Variants in NHSL1 observed in about 807,000 individuals in gnomAD.
NHSL1 encodes the protein NHS like 1, also known as NHS-like protein 1.
In NHSL1, 48 loss-of-function variants were observed where a neutral mutation model predicts 95.0. The observed-to-expected ratio is 0.51, with a 90% CI of 0.40 to 0.64. NHSL1 has a LOEUF of 0.64. Among genes scored for constraint, NHSL1 ranks in the 30% least tolerant of loss-of-function variants. The pLI, the probability that NHSL1 is intolerant of heterozygous loss-of-function variation, is 0.00. For missense variants in NHSL1, 1,971 were observed against 2,077.7 expected (o/e 0.95, Z 1.00); for synonymous variants, 783 against 833.9 (o/e 0.94, Z 1.05).
intron 1 of NHSL1, among the ~76,000 whole-genome samples, chr6:138,560,987 C>T (rs1344473742): frequency 1.3e-5 from 2 of 152,348 alleles, no homozygotes; most frequent in Non-Finnish European, 2.9e-5. Context: ...TTAAAGAAAT[C>T]TCAACTGCTT....
intron 1 of NHSL1, among the ~76,000 whole-genome samples, chr6:138,610,937 G>A (rs554959419): frequency 2.0e-5 from 3 of 152,148 alleles, no homozygotes; most frequent in Non-Finnish European, 2.9e-5. Flanking sequence ...AATTAGCCGG[G>A]TGTGTTGGCG....
intron 1 of NHSL1, among the ~76,000 whole-genome samples, chr6:138,617,465 C>A (rs1223157759): frequency 6.6e-6 from 1 of 152,204 alleles, no homozygotes; most frequent in Admixed American, 6.5e-5. Flanking sequence ...CTTTCACCCC[C>A]ACTAATTCAA....
At chr6:138,652,914 A>G (rs541022801) in intron 1 of NHSL1, among the ~76,000 whole-genome samples, 57 of 152,328 alleles carry the variant, frequency 3.7e-4, no homozygotes, top group Non-Finnish European at 5.9e-4. Flanking sequence ...TCTAAGCAAC[A>G]TAAGATCGGC....
chr6:138,577,206 A>G (rs1356028109), upstream of NHSL1, among the ~76,000 whole-genome samples: 1 of 152,242 alleles, frequency 6.6e-6, no homozygotes, highest in East Asian at 1.9e-4. Context: ...AAAAAGTGTT[A>G]AAGAGGACAG....
chr6:138,483,131 C>T (rs758846650), intron 2 of NHSL1, among the ~76,000 whole-genome samples: 15 of 152,176 alleles, frequency 9.9e-5, no homozygotes, highest in Admixed American at 2.0e-4. Context: ...AAGGGATCAA[C>T]ATGATATCCA....
At chr6:138,589,418 C>G (rs1447579076) in intron 1 of NHSL1, among the ~76,000 whole-genome samples, 1 of 152,130 alleles carries the variant, frequency 6.6e-6, no homozygotes, top group Non-Finnish European at 1.5e-5. Context: ...ACGAGCCAAG[C>G]GGGGGCCTGG....
chr6:138,506,611 T>C (rs2128296338), intron 1 of NHSL1, among the ~76,000 whole-genome samples: 1 of 152,306 alleles, frequency 6.6e-6, no homozygotes, highest in African/African-American at 2.4e-5. Flanking sequence ...GACATTTAAA[T>C]GTAAGTGGGC....
At chr6:138,650,080 C>A in intron 1 of NHSL1, 1 of 504,522 alleles carries the variant, frequency 2.0e-6, no homozygotes, top group Non-Finnish European at 4.0e-6. Flanking sequence ...AGACACATGG[C>A]AAATATGGAA....
At chr6:138,650,121 G>A in intron 1 of NHSL1, 1 of 530,426 alleles carries the variant, frequency 1.9e-6, no homozygotes, top group South Asian at 1.5e-5. Flanking sequence ...GAGCACATCT[G>A]GTTGTTGTTG....
At chr6:138,484,352 G>GT (rs1779600926) in intron 2 of NHSL1, among the ~76,000 whole-genome samples, 1 of 151,720 alleles carries the variant, frequency 6.6e-6, no homozygotes. Context: ...AGGGGAGGGG[G>GT]TAAAAAAAAG....
At chr6:138,459,573 C>A (rs1777859476) in intron 3 of NHSL1, among the ~76,000 whole-genome samples, 1 of 152,272 alleles carries the variant, frequency 6.6e-6, no homozygotes, top group East Asian at 1.9e-4. Context: ...CACTTCTGCA[C>A]TTTTTACACT....
At chr6:138,464,742 TGGCTCTGTCACCCA>T (rs1275860194) in intron 3 of NHSL1, among the ~76,000 whole-genome samples, 1 of 130,080 alleles carries the variant, frequency 7.7e-6, no homozygotes, top group Non-Finnish European at 1.6e-5. Context: ...AGACAGAGTC[TGGCTCTGTCACCCA>T]GGCTGGAGTG....
chr6:138,661,484 GC>G (rs1295109166), intron 1 of NHSL1, among the ~76,000 whole-genome samples: 2 of 147,962 alleles, frequency 1.4e-5, no homozygotes. Context: ...GACAGTGCAA[GC>G]CCCCCGTCTC....
upstream of NHSL1, among the ~76,000 whole-genome samples, chr6:138,549,265 C>A (rs181697585): frequency 6.6e-6 from 1 of 152,302 alleles, no homozygotes; most frequent in African/African-American, 2.4e-5. Context: ...TGCCTGTAAT[C>A]CCAGCTACAT....
At chr6:138,523,639 A>AAAAAC (rs1781779094) in intron 1 of NHSL1, among the ~76,000 whole-genome samples, 2 of 146,444 alleles carry the variant, frequency 1.4e-5, no homozygotes, top group Non-Finnish European at 3.0e-5. Context: ...AAAAAAAAAA[A>AAAAAC]AAAAAAAAAA....
chr6:138,591,186 T>C (rs1304675067), intron 1 of NHSL1, among the ~76,000 whole-genome samples: 1 of 152,200 alleles, frequency 6.6e-6, no homozygotes, highest in Non-Finnish European at 1.5e-5. Context: ...AAGGGGCTAT[T>C]GATACCAGTT....
chr6:138,432,758 G>T lies in NHSL1; in HGVS notation c.1587C>A (p.His529Gln). The change falls in exon 6 of 8, where the codon CAC (histidine) becomes CAA (glutamine). Residue 529 changes from histidine to glutamine, a missense_variant. Transcript: ENST00000343505. This position sits in a 1 kb window ranked among gnomAD's most constrained non-coding sequence, Gnocchi z 4.4. The part of the protein sequence containing the change: ...NCRNNLAFPA[H>Q]PQDVDGKSES... Reference sequence around the variant, plus strand: ...CACTCTTGCCATCCACATCTTGGGGGTGGGCTGGGAAGGCCAGGTTGTTTC... The same window carrying T: ...CACTCTTGCCATCCACATCTTGGGGTTGGGCTGGGAAGGCCAGGTTGTTTC... The T allele has an allele frequency of 6.4e-7, 1 of 1,551,632 alleles. No homozygotes were observed. The highest frequency in any genetic ancestry group is 8.7e-7 in the Non-Finnish European group (1 of 1,146,924).
intron 1 of NHSL1, among the ~76,000 whole-genome samples, chr6:138,552,071 C>A (rs1221139514): frequency 1.3e-5 from 2 of 152,202 alleles, no homozygotes; most frequent in Non-Finnish European, 2.9e-5. Flanking sequence ...ACATTCACAT[C>A]ACTGTATTTC....
chr6:138,685,004 A>C (rs1020578708), intron 1 of NHSL1, among the ~76,000 whole-genome samples: 1 of 152,044 alleles, frequency 6.6e-6, no homozygotes, highest in African/African-American at 2.4e-5. Context: ...TGCTGGAAAA[A>C]CTTGGTTTTT....
Sources: gnomAD v4.1 joint callset for allele counts (sites outside exome capture counted in the v4.1 genomes callset) on GRCh38, gnomAD v4.1.1 for gene constraint, Gnocchi (gnomAD v3.1) non-coding constraint, MANE v1.5 for transcripts, NCBI Gene and HGNC (gene_info 2026-07-23, HGNC 2026-07-21) for gene names.